Variants in LHX6 observed in about 807,000 individuals in gnomAD.
LHX6 encodes the protein LIM/homeobox protein Lhx6.
In LHX6, 15 loss-of-function variants were observed where a neutral mutation model predicts 47.1. The ratio of observed to expected loss-of-function variants is 0.32; its 90% CI spans 0.21 to 0.49. The LOEUF is 0.49. LHX6 is among the 20% of genes least tolerant of loss of function. LHX6 has a pLI of 0.99. For missense variants in LHX6, 404 were observed against 539.6 expected, an observed-to-expected ratio of 0.75 and a Z score of 2.49; for synonymous variants, 242 against 233.5, an observed-to-expected ratio of 1.04 and a Z score of -0.33.
Position 122,213,659 on chromosome 9 carries a change from G to T in LHX6, c.1001C>A (p.Pro334Gln). 1.9e-6 allele frequency: 3 copies of T among 1,611,310 alleles called. No homozygotes were observed. The highest frequency in any genetic ancestry group is 2.5e-6 in the Non-Finnish European group (3 of 1,179,088). The change falls in exon 8 of 10, where the codon CCG becomes CAG. Residue 334 changes from proline to glutamine, a missense_variant. Around this residue, in one of 7 missense-constraint regions of LHX6, gnomAD observed 127 missense variants for 116.1 expected, o/e 1.09. Coordinates refer to ENST00000394319, the MANE Select transcript of LHX6 (RefSeq NM_014368.5). This position sits in a 1 kb window ranked among gnomAD's most constrained non-coding sequence, Gnocchi z 5.5. ...SALSDDIHYT[P>Q]FSSPERARMV... ...GCGCGCCCGCTCGGGGCTGCTGAAC[G>T]GGGTGTAGTGGATGTCGTCGGACAG...
rs1554811473 is a variant in LHX6 at position 122,228,498 on chromosome 9, C to CG, written c.84+158dup. 191 of 1,415,374 alleles carry CG rather than the reference C, an allele frequency of 1.3e-4. No homozygotes were observed. The East Asian group carries it at 4.1e-3, about 30-fold the overall frequency. The allele number at this position is 1,415,374 out of a possible 1,614,324, so 87.7% of individuals were successfully genotyped here. On this transcript the variant is annotated intron_variant, in intron 1 of 9. Coordinates refer to ENST00000394319, the MANE Select transcript of LHX6 (RefSeq NM_014368.5). ...CCCGCTTTCCGCGACCCCCCCCCCCCGCTCGCGCGCGCGCTCCCACACTCA... is the reference window on the plus strand; with the variant it reads ...CCCGCTTTCCGCGACCCCCCCCCCCCGGCTCGCGCGCGCGCTCCCACACTCA...
rs1396979515 is a variant in LHX6 at position 122,209,678 on chromosome 9, T to C, written c.1094A>G (p.Tyr365Cys). ...QCGQVHCRLP[Y>C]TAPPVHLKAD... is the part of the protein sequence containing the mutation. ...TTTGAGGTGGACGGGGGGTGCGGTGTAAGGCAGCCGGCAGTGCACCTGCCC... is the reference window on the plus strand; with the variant it reads ...TTTGAGGTGGACGGGGGGTGCGGTGCAAGGCAGCCGGCAGTGCACCTGCCC... Residue 365 changes from tyrosine to cysteine, a missense_variant, in exon 9 of 10, where the codon TAC (tyrosine) becomes TGC (cysteine). Coordinates refer to ENST00000394319, the MANE Select transcript of LHX6 (RefSeq NM_014368.5). The C allele has an allele frequency of 8.3e-7, 1 of 1,209,976 alleles. No homozygotes were observed. Among genetic ancestry groups the C allele is most frequent in the South Asian group, 1.2e-5 (1 of 83,174 alleles). The allele number at this position is 1,209,976 out of a possible 1,614,324, so 75.0% of individuals were successfully genotyped here. A position where few individuals can be genotyped will look rare whatever the true frequency, so the allele number is the denominator to read the frequency against.
intron 4 of LHX6, among the ~76,000 whole-genome samples, chr9:122,220,132 CCCGA>C (rs1830783726): frequency 6.6e-6 from 1 of 152,230 alleles, no homozygotes; most frequent in South Asian, 2.1e-4. Context: ...CCCGCGAGTC[CCCGA>C]CGCCCGAGTC....
At chr9:122,216,738 T>G (rs1830606134) in intron 5 of LHX6, among the ~76,000 whole-genome samples, 1 of 152,156 alleles carries the variant, frequency 6.6e-6, no homozygotes, top group Non-Finnish European at 1.5e-5. Context: ...GCTGCCCGAT[T>G]ATGAGAACCA....
intron 8 of LHX6, among the ~76,000 whole-genome samples, chr9:122,212,181 A>G (rs903908630): frequency 2.6e-5 from 4 of 152,130 alleles, no homozygotes; most frequent in African/African-American, 9.7e-5. Flanking sequence ...TGTTGTCCTC[A>G]TTTTTACAGA....
rs761692734 is a variant in LHX6, at chr9:122,214,090, T to G, written c.784-21A>C. On this transcript the variant is annotated intron_variant, in intron 6 of 9. Coordinates refer to ENST00000394319, the MANE Select transcript of LHX6 (RefSeq NM_014368.5). This position sits in a 1 kb window ranked among gnomAD's most constrained non-coding sequence, Gnocchi z 4.6. ...ATAACCTGCGGGGCGGGGAGGGCGG[T>G]GAGGCGCTCGCACGCAGAGACTCCG... 26 of 1,589,836 alleles carry G rather than the reference T, an allele frequency of 1.6e-5. No individual in the cohort carries two copies. The highest frequency in any genetic ancestry group is 2.7e-5 in the African/African-American group (2 of 74,554).
rs1002075046 is a variant in LHX6 at position 122,228,838 on chromosome 9, G to C, written c.-98C>G. On this transcript the variant is annotated 5_prime_UTR_variant, in exon 1 of 10. Coordinates refer to ENST00000394319, the MANE Select transcript of LHX6 (RefSeq NM_014368.5). ...GGAGCAGAGGCTGCTGCAGGAGCAG[G>C]AGGAGAGCCGAGGCGCCGGCCCCGC... 2 of 795,642 alleles carry C rather than the reference G, an allele frequency of 2.5e-6. No individual in the cohort carries two copies. Among genetic ancestry groups the C allele is most frequent in the African/African-American group, 3.7e-5 (2 of 54,746 alleles). The allele number at this position is 795,642 out of a possible 1,614,324, so 49.3% of individuals were successfully genotyped here. A position where few individuals can be genotyped will look rare whatever the true frequency, so the allele number is the denominator to read the frequency against.
chr9:122,222,154 C>T (rs573955258), intron 4 of LHX6, among the ~76,000 whole-genome samples: 1 of 152,344 alleles, frequency 6.6e-6, no homozygotes, highest in East Asian at 1.9e-4. Context: ...GTCTCCCCAA[C>T]TATACAGCAG....
intron 8 of LHX6, among the ~76,000 whole-genome samples, chr9:122,212,026 G>T (rs1830415637): frequency 6.6e-6 from 1 of 151,844 alleles, no homozygotes; most frequent in African/African-American, 2.4e-5. Flanking sequence ...GCAGCCTGGT[G>T]CGAAGACAGG....
At position 122,204,759 on chromosome 9, in the gene LHX6, G is replaced by A. The variant is rs370814560; in HGVS notation, c.*1C>T. 39 of 1,597,172 alleles carry A rather than the reference G, an allele frequency of 2.4e-5. No individual in the cohort carries two copies. Among genetic ancestry groups the A allele is most frequent in the Admixed American group, 5.2e-5 (3 of 57,952 alleles). On this transcript the variant is annotated 3_prime_UTR_variant, in exon 10 of 10. Coordinates refer to ENST00000394319, the MANE Select transcript of LHX6 (RefSeq NM_014368.5). ...GGGCAGATGCGGAAGTGCCGGCAGC[G>A]TTAGTACTGAAAAAGGATGACCTGC... is the stretch of plus-strand genomic sequence containing the variant.
rs1411422793 is a variant in LHX6 at position 122,204,869 on chromosome 9, G to A, written c.1159-89C>T. The stretch of plus-strand genomic sequence containing the variant: ...AGAACCTCAAAGGCACAGAGAAGAA[G>A]GGTGGACTCAGGGCCCAGATCTGAG... On this transcript the variant is annotated intron_variant, in intron 9 of 9. Coordinates refer to ENST00000394319, the MANE Select transcript of LHX6 (RefSeq NM_014368.5). 3 of 899,170 alleles carry A rather than the reference G, an allele frequency of 3.3e-6. No individual in the cohort carries two copies. The African/African-American group carries it at 5.1e-5, about 15-fold the overall frequency. 55.7% of individuals were successfully genotyped at this position (899,170 alleles called of 1,614,324 possible).
At chr9:122,221,829 A>C in intron 4 of LHX6, 1 of 509,330 alleles carries the variant, frequency 2.0e-6, no homozygotes, top group Non-Finnish European at 2.5e-6. Flanking sequence ...CGGGTGGCTG[A>C]TATATCTCAC....
At position 122,209,704 on chromosome 9, in the gene LHX6, G is replaced by A. The variant is rs202183953; in HGVS notation, c.1068C>T (p.Cys356=). Residue 356 remains cysteine, a synonymous_variant, in exon 9 of 10, where the codon TGC becomes TGT. Transcript: ENST00000394319. ...AAGGCAGCCGGCAGTGCACCTGCCC[G>A]CACTGTACCTGACCTGTGGACGAGA... ...LHGYIESQVQ[C]GQVHCRLPYT... is the part of the protein sequence containing the mutation. The A allele has an allele frequency of 2.6e-5, 23 of 889,986 alleles. No individual in the cohort carries two copies. Among genetic ancestry groups the A allele is most frequent in the East Asian group, 7.2e-5 (3 of 41,760 alleles). The allele number at this position is 889,986 out of a possible 1,614,324, so 55.1% of individuals were successfully genotyped here.
At position 122,226,579 on chromosome 9, in the gene LHX6, G is replaced by C. The variant is rs1190238652; in HGVS notation, c.340-82C>G. 6.5e-7 allele frequency: 1 copy of C among 1,548,822 alleles called. No homozygotes were observed. Among genetic ancestry groups the C allele is most frequent in the African/African-American group, 1.4e-5 (1 of 72,158 alleles). The stretch of plus-strand genomic sequence containing the variant: ...CCCAGCCTTCCCGGTCTCATTTACA[G>C]TCAGAGGCGCTGAAGCTCAGAAGGT... On this transcript the variant is annotated intron_variant, in intron 3 of 9. Transcript: ENST00000394319. This position sits in a 1 kb window ranked among gnomAD's most constrained non-coding sequence, Gnocchi z 6.5.
intron 5 of LHX6, among the ~76,000 whole-genome samples, chr9:122,216,562 G>A (rs1830599898): frequency 6.6e-6 from 1 of 152,200 alleles, no homozygotes; most frequent in Non-Finnish European, 1.5e-5. Flanking sequence ...TAGAGACCCT[G>A]GTCCAGGATG....
At chr9:122,216,042 C>A (rs944599322) in intron 5 of LHX6, among the ~76,000 whole-genome samples, 1 of 152,016 alleles carries the variant, frequency 6.6e-6, no homozygotes, top group Non-Finnish European at 1.5e-5. Context: ...AGCTTAGGGC[C>A]AAGGTGGTGT....
rs1830622766 is a variant in LHX6 at position 122,217,089 on chromosome 9, G to A, written c.661C>T (p.Leu221Phe). 1.9e-6 allele frequency: 3 copies of A among 1,614,164 alleles called. No homozygotes were observed. The highest frequency in any genetic ancestry group is 2.7e-5 in the African/African-American group (2 of 75,044). Residue 221 changes from leucine to phenylalanine, a missense_variant, in exon 5 of 10, where the codon CTC (leucine) becomes TTC (phenylalanine). Around this residue, in one of 7 missense-constraint regions of LHX6, gnomAD observed 43 missense variants for 84.7 expected, o/e 0.51. Coordinates refer to ENST00000394319, the MANE Select transcript of LHX6 (RefSeq NM_014368.5). This position sits in a 1 kb window ranked among gnomAD's most constrained non-coding sequence, Gnocchi z 4.9. ...RIHYDTMIEN[L>F]KRAAENGNGL... The stretch of plus-strand genomic sequence containing the variant: ...GTACCGTTCTCGGCGGCCCTCTTGA[G>A]GTTCTCAATCATGGTGTCGTAGTGG...
At chr9:122,227,283 AG>A in intron 2 of LHX6, 125 bp downstream of exon 2, 1 of 1,026,998 alleles carries the variant, frequency 9.7e-7, no homozygotes, top group Non-Finnish European at 1.3e-6. Flanking sequence ...AGGCTCAGAG[AG>A]GGGCGGCGCC....
In LHX6 at chr9:122,217,157, C is replaced by G; in HGVS notation, c.593G>C (p.Gly198Ala). The stretch of plus-strand genomic sequence containing the variant: ...CTCCTCGACCAGGCCGAACTCCTCA[C>G]CAGTGGACAGCTGGCGCTTGCACGA... Reference protein sequence around the residue: ...CFSCKRQLSTGEEFGLVEEKV... With the variant: ...CFSCKRQLSTAEEFGLVEEKV... The change falls in exon 5 of 10, where the codon GGT becomes GCT. Residue 198 changes from glycine (G) to alanine (A), a missense_variant. Physicochemically the swap from Gly to Ala is moderately conservative, Grantham distance 60. This residue lies in a region of LHX6 where 12 missense variants were observed against 61.9 expected (regional missense o/e 0.19). Transcript: ENST00000394319. This position sits in a 1 kb window ranked among gnomAD's most constrained non-coding sequence, Gnocchi z 4.9. 1.9e-6 allele frequency: 3 copies of G among 1,614,234 alleles called. No individual in the cohort carries two copies. The highest frequency in any genetic ancestry group is 2.5e-6 in the Non-Finnish European group (3 of 1,180,032).
Sources: gnomAD v4.1 joint callset for allele counts (sites outside exome capture counted in the v4.1 genomes callset) on GRCh38, gnomAD v4.1.1 for gene constraint, gnomAD v4.1.1 regional missense constraint, Gnocchi (gnomAD v3.1) non-coding constraint, MANE v1.5 for transcripts, NCBI Gene and HGNC (gene_info 2026-07-23, HGNC 2026-07-21) for gene names.